Variants in GABRG2 observed in about 807,000 individuals in gnomAD.
GABRG2 encodes the protein gamma-aminobutyric acid receptor subunit gamma-2.
In GABRG2, 16 loss-of-function variants were observed where a neutral mutation model predicts 56.4. That is an observed-to-expected ratio of 0.28 (90% CI 0.19 to 0.43). GABRG2 has a LOEUF of 0.43. Among genes scored for constraint, GABRG2 ranks in the 20% least tolerant of loss-of-function variants. The pLI, the probability that GABRG2 is intolerant of heterozygous loss-of-function variation, is 1.00. For missense variants in GABRG2, 327 were observed against 582.7 expected, an observed-to-expected ratio of 0.56 and a Z score of 4.52; for synonymous variants, 208 against 205.5, an observed-to-expected ratio of 1.01 and a Z score of -0.10.
chr5:162,149,018 A>C (rs1353634366), intron 7 of GABRG2, 90 bp from the exon 8 acceptor site: 13 of 1,158,096 alleles, frequency 1.1e-5, no homozygotes, highest in Admixed American at 1.7e-5. Flanking sequence ...TGCCCATCAG[A>C]AGTCATGAAA....
At chr5:162,123,551 G>C (rs186233773) in intron 6 of GABRG2, among the ~76,000 whole-genome samples, 88 of 151,870 alleles carry the variant, frequency 5.8e-4, no homozygotes, top group Middle Eastern at 3.4e-3. Context: ...ACAGCAAAAA[G>C]AAAAAAGTAA....
At chr5:162,074,168 G>T (rs972836392) in intron 1 of GABRG2, among the ~76,000 whole-genome samples, 43 of 151,506 alleles carry the variant, frequency 2.8e-4, no homozygotes, top group Non-Finnish European at 5.5e-4. Context: ...AGTGGTTTAG[G>T]GTAAAAATAA....
chr5:162,078,389 AT>A (rs1759341644), intron 1 of GABRG2, among the ~76,000 whole-genome samples: 1 of 31,158 alleles, frequency 3.2e-5, no homozygotes, highest in Non-Finnish European at 6.2e-5. Context: ...ATATATATAT[AT>A]ATATATATTT....
At position 162,112,370 on chromosome 5, in the gene GABRG2, C is replaced by G. The variant is rs1256221817; in HGVS notation, c.769+8344C>G. ...TGTGACTGATATAACTAATAGATCT[C>G]TAATAAACAGCTACTGCCCCAAAAT... is the stretch of plus-strand genomic sequence containing the variant. On this transcript the variant is annotated intron_variant, in intron 6 of 9. Coordinates refer to ENST00000639213, the MANE Select transcript of GABRG2 (RefSeq NM_198904.4). Among the ~76,000 whole-genome samples the G allele has an allele frequency of 2.0e-5, 3 of 151,166 alleles. No homozygotes were observed. The Admixed American group carries it at 2.0e-4, about 10-fold the overall frequency.
At chr5:162,070,744 G>C (rs73321082) in intron 1 of GABRG2, among the ~76,000 whole-genome samples, 2,199 of 151,914 alleles carry the variant, frequency 0.014, 55 homozygotes, top group African/African-American at 0.05. Context: ...CATTCACATA[G>C]CTTGTGCTGT....
At chr5:162,098,486 T>C (rs1761163302) in intron 4 of GABRG2, 2 of 153,352 alleles carry the variant, frequency 1.3e-5, no homozygotes, top group Admixed American at 1.3e-4. Flanking sequence ...TTTTATGCCA[T>C]TACCTTAGCA....
intron 6 of GABRG2, among the ~76,000 whole-genome samples, chr5:162,107,451 C>T (rs1257966014): frequency 6.6e-6 from 1 of 152,090 alleles, no homozygotes; most frequent in Admixed American, 6.6e-5. Flanking sequence ...AGTACCAAAT[C>T]CAGACATTCT....
At chr5:162,106,504 T>G (rs1761838036) in intron 6 of GABRG2, among the ~76,000 whole-genome samples, 1 of 152,164 alleles carries the variant, frequency 6.6e-6, no homozygotes, top group African/African-American at 2.4e-5. Flanking sequence ...ATTTGCTTGA[T>G]TTTTGATGCT....
At chr5:162,090,769 T>C (rs939122707) in intron 1 of GABRG2, among the ~76,000 whole-genome samples, 6 of 152,184 alleles carry the variant, frequency 3.9e-5, no homozygotes, top group African/African-American at 1.4e-4. Context: ...TCCATGTAGA[T>C]AGGTACCTTT....
In GABRG2 at chr5:162,149,395, A is replaced by C. The variant is rs184201402; in HGVS notation, c.1128+82A>C. On this transcript the variant is annotated intron_variant, in intron 8 of 9. Coordinates refer to ENST00000639213, the MANE Select transcript of GABRG2 (RefSeq NM_198904.4). ...TTTTCATTAGCCTATCTGCAGGCTAAGGCTCAGCAGTTTGGGCTCCAAGAT... is the reference window on the plus strand; with the variant it reads ...TTTTCATTAGCCTATCTGCAGGCTACGGCTCAGCAGTTTGGGCTCCAAGAT... 14 of 1,343,304 alleles carry C rather than the reference A, an allele frequency of 1.0e-5. No individual in the cohort carries two copies. In the Admixed American group the frequency reaches 2.2e-4, roughly 22 times the overall value. 83.2% of individuals were successfully genotyped at this position (1,343,304 alleles called of 1,614,324 possible).
intron 6 of GABRG2, among the ~76,000 whole-genome samples, chr5:162,126,146 C>T (rs1763327314): frequency 6.6e-6 from 1 of 151,708 alleles, no homozygotes; most frequent in Non-Finnish European, 1.5e-5. Context: ...TGATAGTGAG[C>T]CAGTAGTTAA....
At chr5:162,097,594 T>A in intron 3 of GABRG2, 44 bp from the exon 4 acceptor site, 2 of 1,359,636 alleles carry the variant, frequency 1.5e-6, no homozygotes, top group Non-Finnish European at 2.1e-6. Flanking sequence ...AAAAAGATAA[T>A]CTTACTGTGT....
chr5:162,141,326 C>T (rs936418051), intron 6 of GABRG2, among the ~76,000 whole-genome samples: 6 of 152,264 alleles, frequency 3.9e-5, no homozygotes, highest in Admixed American at 1.3e-4. Context: ...CGTGAGCCAC[C>T]GCACCCAGCC....
intron 8 of GABRG2, chr5:162,150,068 A>G (rs1765257468): frequency 6.4e-6 from 1 of 156,076 alleles, no homozygotes; most frequent in Non-Finnish European, 1.4e-5. Context: ...TATTGTCACC[A>G]GATAATTTCT....
rs2113259632 is a variant in GABRG2, at chr5:162,088,934, A to C, written c.108-4894A>C. The stretch of plus-strand genomic sequence containing the variant: ...GAGGAAAACTGGTGAGCAAAAAATT[A>C]TTCCCACAAATCTTCATTGAGCACA... On this transcript the variant is annotated intron_variant, in intron 1 of 9. Coordinates refer to ENST00000639213, the MANE Select transcript of GABRG2 (RefSeq NM_198904.4). 2.0e-5 allele frequency among the ~76,000 whole-genome samples: 3 copies of C among 152,290 alleles called. No individual in the cohort carries two copies. In the South Asian group the frequency reaches 6.2e-4, roughly 32 times the overall value.
At chr5:162,136,407 G>A (rs1764128297) in intron 6 of GABRG2, among the ~76,000 whole-genome samples, 1 of 152,020 alleles carries the variant, frequency 6.6e-6, no homozygotes, top group East Asian at 1.9e-4. Flanking sequence ...ATTTTTTAAA[G>A]TATGTTTAAT....
At chr5:162,098,310 G>T (rs1761151592) in intron 4 of GABRG2, 3 of 165,970 alleles carry the variant, frequency 1.8e-5, no homozygotes, top group Admixed American at 1.8e-4. Flanking sequence ...TTCATCTCCT[G>T]GCACCCCACT....
chr5:162,080,832 G>C (rs922589660), intron 1 of GABRG2, among the ~76,000 whole-genome samples: 1 of 152,052 alleles, frequency 6.6e-6, no homozygotes, highest in Non-Finnish European at 1.5e-5. Context: ...ACCAGTTATT[G>C]ATTTTACTAT....
intron 6 of GABRG2, among the ~76,000 whole-genome samples, chr5:162,139,595 G>A (rs1200185056): frequency 6.6e-6 from 1 of 152,154 alleles, no homozygotes; most frequent in Non-Finnish European, 1.5e-5. Flanking sequence ...AAGGGAAGTG[G>A]ATAATTGCAT....
Sources: allele counts gnomAD v4.1 joint callset (sites outside exome capture counted in the v4.1 genomes callset), GRCh38; gene constraint gnomAD v4.1.1; transcripts MANE v1.5; gene names NCBI Gene and HGNC (gene_info 2026-07-23, HGNC 2026-07-21).